CNTN5: variants seen among roughly 807,000 people sequenced by gnomAD.
The protein encoded by CNTN5 is contactin-5.
A neutral mutation model predicts 129.1 loss-of-function variants in CNTN5; 77 were observed. The observed-to-expected ratio is 0.60, with a 90% CI of 0.50 to 0.72. CNTN5 has a LOEUF of 0.72. Among genes scored for constraint, CNTN5 ranks in the 30% least tolerant of loss-of-function variants. CNTN5 has a pLI of 0.00. For synonymous variants in CNTN5, 509 were observed against 465.6 expected (o/e 1.09, Z -1.20); for missense variants, 1,478 against 1,328.8 (o/e 1.11, Z -1.75).
In CNTN5 at chr11:100,276,852, TA is replaced by T. The variant is rs1950524055; in HGVS notation, c.2314+5613del. On this transcript the variant is annotated intron_variant, in intron 18 of 24. Transcript: ENST00000524871. ...TTCTGGTCAGTTTAAAATGTACAAT[TA>T]ATTTTTTTTTTTTACTATAGTCACC... Among the ~76,000 whole-genome samples, 3 of 151,384 alleles carry T rather than the reference TA, an allele frequency of 2.0e-5. No homozygotes were observed. The South Asian group carries it at 6.3e-4, about 32-fold the overall frequency.
chr11:99,478,058 T>C (rs1313963842), intron 2 of CNTN5, among the ~76,000 whole-genome samples: 1 of 152,140 alleles, frequency 6.6e-6, no homozygotes, highest in Non-Finnish European at 1.5e-5. Flanking sequence ...TTCAAATATC[T>C]TTTCTTTATT....
At chr11:99,989,783 G>A (rs1480104064) in intron 8 of CNTN5, among the ~76,000 whole-genome samples, 8 of 151,854 alleles carry the variant, frequency 5.3e-5, no homozygotes, top group Admixed American at 5.2e-4. Context: ...TTGTGTGTGA[G>A]AGAACTGAGT....
chr11:100,108,870 T>C (rs1481112642), intron 13 of CNTN5, among the ~76,000 whole-genome samples: 2 of 152,122 alleles, frequency 1.3e-5, no homozygotes, highest in Non-Finnish European at 2.9e-5. Flanking sequence ...CATTGCTATG[T>C]GGAAGATCAA....
intron 2 of CNTN5, among the ~76,000 whole-genome samples, chr11:99,373,909 A>G (rs1463893395): frequency 6.6e-6 from 1 of 152,180 alleles, no homozygotes; most frequent in East Asian, 1.9e-4. Context: ...TACAAGCCTC[A>G]GGAATTTAAC....
At chr11:99,024,528 A>G (rs1273284035) in intron 1 of CNTN5, among the ~76,000 whole-genome samples, 1 of 152,110 alleles carries the variant, frequency 6.6e-6, no homozygotes, top group Non-Finnish European at 1.5e-5. Flanking sequence ...TGTTTTGCCT[A>G]TTATAAATAT....
intron 6 of CNTN5, among the ~76,000 whole-genome samples, chr11:99,862,272 A>G (rs1192833143): frequency 6.6e-6 from 1 of 152,168 alleles, no homozygotes; most frequent in Non-Finnish European, 1.5e-5. Context: ...TCACTTTTAC[A>G]TGATCTTTTG....
At chr11:100,095,749 T>A (rs1237142884) in intron 13 of CNTN5, among the ~76,000 whole-genome samples, 1 of 152,144 alleles carries the variant, frequency 6.6e-6, no homozygotes. Context: ...TTATTTCTGA[T>A]GGTTTCTCAA....
chr11:100,301,990 C>T (rs1000953186), intron 20 of CNTN5, among the ~76,000 whole-genome samples: 1 of 151,454 alleles, frequency 6.6e-6, no homozygotes, highest in Admixed American at 6.6e-5. Flanking sequence ...TGGGCTATGG[C>T]AATGATGGCT....
At chr11:100,137,666 A>C (rs1339811400) in intron 13 of CNTN5, among the ~76,000 whole-genome samples, 1 of 152,138 alleles carries the variant, frequency 6.6e-6, no homozygotes, top group Non-Finnish European at 1.5e-5. Context: ...TCACTTATTG[A>C]GAACTTGGGC....
chr11:99,893,996 G>A (rs1949132731), intron 6 of CNTN5, among the ~76,000 whole-genome samples: 1 of 151,966 alleles, frequency 6.6e-6, no homozygotes, highest in African/African-American at 2.4e-5. Context: ...TGCCTTGCCA[G>A]GGTTTTTTTT....
At chr11:100,352,463 T>C (rs1400443361) in intron 24 of CNTN5, among the ~76,000 whole-genome samples, 1 of 151,736 alleles carries the variant, frequency 6.6e-6, no homozygotes, top group East Asian at 1.9e-4. Context: ...CTATCTGCAA[T>C]TCATTTCAAA....
chr11:99,961,944 A>G (rs2136191140), intron 8 of CNTN5, among the ~76,000 whole-genome samples: 1 of 152,092 alleles, frequency 6.6e-6, no homozygotes, highest in African/African-American at 2.4e-5. Context: ...CAACTTGCAA[A>G]ATTTTCGATA....
At chr11:100,121,491 A>G (rs1331735997) in intron 13 of CNTN5, among the ~76,000 whole-genome samples, 1 of 151,926 alleles carries the variant, frequency 6.6e-6, no homozygotes, top group African/African-American at 2.4e-5. Flanking sequence ...AGAAGATTGA[A>G]AAACAGTGGG....
rs1395661625 is a variant in CNTN5, at chr11:99,411,499, G to A, written c.-71+86015G>A. ...CATGCTATTGTATTCCAGCCTGGAT[G>A]ACAGAATGAGACCTTGTCTCAAAAA... On this transcript the variant is annotated intron_variant, in intron 2 of 24. Transcript: ENST00000524871. Among the ~76,000 whole-genome samples the A allele has an allele frequency of 3.3e-5, 5 of 152,168 alleles. No homozygotes were observed. The South Asian group carries it at 1.0e-3, about 32-fold the overall frequency.
At chr11:100,057,956 A>G (rs1182130494) in intron 9 of CNTN5, among the ~76,000 whole-genome samples, 2 of 152,068 alleles carry the variant, frequency 1.3e-5, no homozygotes, top group African/African-American at 4.8e-5. Flanking sequence ...ACCATACGTT[A>G]CAATTGAGAA....
chr11:99,466,352 A>G (rs1211091391), intron 2 of CNTN5, among the ~76,000 whole-genome samples: 4 of 152,126 alleles, frequency 2.6e-5, no homozygotes, highest in Non-Finnish European at 5.9e-5. Context: ...AATCCAAACC[A>G]TATCATGTAC....
At chr11:99,955,894 C>G (rs919576640) in intron 7 of CNTN5, among the ~76,000 whole-genome samples, 4 of 152,154 alleles carry the variant, frequency 2.6e-5, no homozygotes, top group Middle Eastern at 3.4e-3. Context: ...TAAATATTAG[C>G]GAAATCTTGC....
chr11:99,294,795 G>C (rs926341193), intron 1 of CNTN5, among the ~76,000 whole-genome samples: 5 of 152,134 alleles, frequency 3.3e-5, no homozygotes, highest in East Asian at 1.9e-4. Context: ...AGTTTCTCTT[G>C]GGCAGTTTTC....
intron 3 of CNTN5, among the ~76,000 whole-genome samples, chr11:99,806,675 C>T (rs184370871): frequency 1.9e-3 from 294 of 151,812 alleles, no homozygotes; most frequent in Non-Finnish European, 2.8e-3. Context: ...GGTGTGGTGG[C>T]GCGCACCTCT....
Sources: gnomAD v4.1 joint callset for allele counts (sites outside exome capture counted in the v4.1 genomes callset) on GRCh38, gnomAD v4.1.1 for gene constraint, MANE v1.5 for transcripts, NCBI Gene and HGNC (gene_info 2026-07-23, HGNC 2026-07-21) for gene names.